The following GPATCH8 variants were observed in gnomAD, a reference collection of about 807,000 sequenced individuals.
GPATCH8 encodes G patch domain-containing protein 8.
Under a neutral mutation model 118.3 loss-of-function variants are expected in GPATCH8, and 18 were observed. The observed-to-expected ratio is 0.15, with a 90% CI of 0.11 to 0.23. The LOEUF (loss-of-function observed/expected upper bound fraction) is 0.23, where lower values mean the gene tolerates loss of function less well. Ranked by LOEUF, GPATCH8 falls within the 10% of genes least tolerant of loss-of-function variation. GPATCH8 has a pLI of 1.00. For missense variants in GPATCH8, 1,631 were observed against 1,873.8 expected, an observed-to-expected ratio of 0.87 and a Z score of 2.39; for synonymous variants, 659 against 684.7, an observed-to-expected ratio of 0.96 and a Z score of 0.59.
intron 3 of GPATCH8, among the ~76,000 whole-genome samples, chr17:44,446,349 G>A (rs1568000298): frequency 6.6e-6 from 1 of 152,118 alleles, no homozygotes. Flanking sequence ...GGCAGATCAC[G>A]AGGTCAGCAG....
intron 3 of GPATCH8, among the ~76,000 whole-genome samples, chr17:44,446,272 T>C (rs1444452895): frequency 6.6e-6 from 1 of 151,838 alleles, no homozygotes; most frequent in Non-Finnish European, 1.5e-5. Flanking sequence ...GATCCAAAAA[T>C]AGAGGAGTTA....
intron 5 of GPATCH8, among the ~76,000 whole-genome samples, chr17:44,432,546 G>C (rs1263317618): frequency 1.3e-5 from 2 of 152,170 alleles, no homozygotes; most frequent in Non-Finnish European, 2.9e-5. Context: ...AATGCATTTT[G>C]TACTAACGGG....
intron 3 of GPATCH8, among the ~76,000 whole-genome samples, chr17:44,448,679 A>T (rs980249124): frequency 6.6e-6 from 1 of 152,006 alleles, no homozygotes; most frequent in Non-Finnish European, 1.5e-5. Context: ...GTATCCTACT[A>T]ACCCAGTGTC....
chr17:44,481,492 G>A (rs1399536407), intron 1 of GPATCH8, among the ~76,000 whole-genome samples: 2 of 152,118 alleles, frequency 1.3e-5, no homozygotes, highest in Non-Finnish European at 2.9e-5. Flanking sequence ...CCATATATAG[G>A]ACATTCTGGA....
chr17:44,482,083 T>C (rs1055377498), intron 1 of GPATCH8, among the ~76,000 whole-genome samples: 1 of 152,016 alleles, frequency 6.6e-6, no homozygotes, highest in African/African-American at 2.4e-5. Flanking sequence ...GTGTCGCCAC[T>C]GCACTCCAGC....
intron 2 of GPATCH8, among the ~76,000 whole-genome samples, chr17:44,472,329 C>T (rs565519048): frequency 6.6e-6 from 1 of 152,274 alleles, no homozygotes; most frequent in East Asian, 1.9e-4. Flanking sequence ...AATTAGACTG[C>T]CTTCTGATAC....
At chr17:44,499,035 T>C (rs892425776) in intron 1 of GPATCH8, among the ~76,000 whole-genome samples, 4 of 152,246 alleles carry the variant, frequency 2.6e-5, no homozygotes, top group African/African-American at 7.2e-5. Context: ...TATTTACCAT[T>C]ATGATTACTT....
chr17:44,429,482 C>T (rs1355066689), intron 5 of GPATCH8, among the ~76,000 whole-genome samples: 6 of 152,024 alleles, frequency 3.9e-5, no homozygotes, highest in Middle Eastern at 3.4e-3. Flanking sequence ...TATATATATA[C>T]AAGAAAACTG....
Position 44,502,374 on chromosome 17 carries a change from T to C in GPATCH8, c.45+952A>G, listed in dbSNP as rs1278982575. Among the ~76,000 whole-genome samples the C allele has an allele frequency of 2.3e-5, 3 of 132,562 alleles. No homozygotes were observed. The South Asian group carries it at 6.9e-4, about 30-fold the overall frequency. 87.0% of individuals were successfully genotyped at this position (132,562 alleles called of 152,430 possible). ...GTAATGCAGTGTTTTTTTTTTTTTT[T>C]TGAGACTCTACGGATGTATTTTACC... On this transcript the variant is annotated intron_variant, in intron 1 of 7. Coordinates refer to ENST00000591680, the MANE Select transcript of GPATCH8 (RefSeq NM_001002909.4).
At chr17:44,410,733 C>T (rs755109371) in intron 6 of GPATCH8, among the ~76,000 whole-genome samples, 25 of 152,148 alleles carry the variant, frequency 1.6e-4, no homozygotes, top group Admixed American at 3.9e-4. Flanking sequence ...AAACAGTATA[C>T]ATTTGTGGCA....
chr17:44,399,341 A>T lies in GPATCH8; in HGVS notation c.2736T>A (p.Asp912Glu). 6.2e-7 allele frequency: 1 copy of T among 1,614,126 alleles called. No homozygotes were observed. The highest frequency in any genetic ancestry group is 8.5e-7 in the Non-Finnish European group (1 of 1,179,958). The change falls in exon 8 of 8, where the codon GAT becomes GAA. Residue 912 changes from aspartate (D) to glutamate (E), a missense_variant. Physicochemically the swap from Asp to Glu is conservative, Grantham distance 45. Transcript: ENST00000591680. ...GTTTGGAGCTGGCATAGTCTGAGTC[A>T]TCTGAGTCATGGGAGCGCTTGGAGT... ...RRHSKRSHDSDDSDYASSKHR... is the reference protein window; with the variant it reads ...RRHSKRSHDSEDSDYASSKHR...
At chr17:44,413,356 C>T (rs564748855) in intron 6 of GPATCH8, among the ~76,000 whole-genome samples, 48 of 152,140 alleles carry the variant, frequency 3.2e-4, no homozygotes, top group Middle Eastern at 3.4e-3. Flanking sequence ...CTGCAACCTC[C>T]GCCTCCCACA....
At chr17:44,414,157 G>A (rs74548808) in intron 6 of GPATCH8, among the ~76,000 whole-genome samples, 1,562 of 30,752 alleles carry the variant, frequency 0.051, 30 homozygotes, top group African/African-American at 0.11. Context: ...ATATATATAT[G>A]TGTATATATA....
rs777426391 is a variant in GPATCH8, at chr17:44,400,664, G to A, written c.1413C>T (p.Thr471=). The change falls in exon 8 of 8, where the codon ACC becomes ACT. Residue 471 remains threonine (T), a synonymous_variant. Coordinates refer to ENST00000591680, the MANE Select transcript of GPATCH8 (RefSeq NM_001002909.4). Reference sequence around the variant, plus strand: ...CTTTGCTTCCTGGTTCTGAGGGCTCGGTCATGCTGGTTTCCTTCGGCTGCT... The same window carrying A: ...CTTTGCTTCCTGGTTCTGAGGGCTCAGTCATGCTGGTTTCCTTCGGCTGCT... ...VSEQPKETSM[T]EPSEPGSKAE... The A allele has an allele frequency of 3.2e-5, 52 of 1,612,142 alleles. No individual in the cohort carries two copies. The highest frequency in any genetic ancestry group is 1.7e-4 in the Middle Eastern group (1 of 6,052).
intron 6 of GPATCH8, among the ~76,000 whole-genome samples, chr17:44,418,647 T>C (rs2049780262): frequency 6.6e-6 from 1 of 152,082 alleles, no homozygotes; most frequent in Non-Finnish European, 1.5e-5. Context: ...GAGAGGGGTT[T>C]TCACCATGTT....
At chr17:44,449,934 G>T (rs1288211973) in intron 3 of GPATCH8, among the ~76,000 whole-genome samples, 1 of 152,204 alleles carries the variant, frequency 6.6e-6, no homozygotes, top group African/African-American at 2.4e-5. Context: ...CCTATCCTTA[G>T]CAGTTTCACC....
At chr17:44,464,440 T>C (rs1373710673) in intron 3 of GPATCH8, 32 bp downstream of exon 3, 1 of 1,265,000 alleles carries the variant, frequency 7.9e-7, no homozygotes, top group South Asian at 1.2e-5. Flanking sequence ...AATGGTTTTC[T>C]TCCTTTTTCT....
At position 44,397,484 on chromosome 17, in the gene GPATCH8, T is replaced by C. The variant is rs1222344269; in HGVS notation, c.*84A>G. ...AGACACTGCCCATCCCAGCTTCTAC[T>C]TGCTGGTATTAATGGCTCAACACCC... On this transcript the variant is annotated 3_prime_UTR_variant, in exon 8 of 8. Transcript: ENST00000591680. 4 of 938,348 alleles carry C rather than the reference T, an allele frequency of 4.3e-6. No individual in the cohort carries two copies. Among genetic ancestry groups the C allele is most frequent in the Admixed American group, 1.8e-5 (1 of 56,030 alleles). 58.1% of individuals were successfully genotyped at this position (938,348 alleles called of 1,614,324 possible).
chr17:44,431,420 A>G (rs1238791140), intron 5 of GPATCH8, among the ~76,000 whole-genome samples: 1 of 150,906 alleles, frequency 6.6e-6, no homozygotes, highest in South Asian at 2.1e-4. Context: ...CACAAAAATC[A>G]GCATAGTGTT....
Sources: gnomAD v4.1 joint callset for allele counts (sites outside exome capture counted in the v4.1 genomes callset) on GRCh38, gnomAD v4.1.1 for gene constraint, MANE v1.5 for transcripts, NCBI Gene and HGNC (gene_info 2026-07-23, HGNC 2026-07-21) for gene names.